KIF11: variants seen among roughly 807,000 people sequenced by gnomAD.
KIF11 encodes kinesin family member 11.
Under a neutral mutation model 121.0 loss-of-function variants are expected in KIF11, and 9 were observed. That is an observed-to-expected ratio of 0.07 (90% CI 0.04 to 0.13). The LOEUF is 0.13. Ranked by LOEUF, KIF11 falls within the 10% of genes least tolerant of loss-of-function variation. The pLI is 1.00. For missense variants in KIF11, 846 were observed against 1,217.5 expected (o/e 0.69, Z 4.54); for synonymous variants, 408 against 421.0 (o/e 0.97, Z 0.38).
chr10:92,635,410 G>A (rs1295489879), intron 14 of KIF11, among the ~76,000 whole-genome samples: 3 of 152,178 alleles, frequency 2.0e-5, no homozygotes, highest in Non-Finnish European at 4.4e-5. Context: ...AATAAAGCAA[G>A]TCATGAATTT....
In KIF11 at chr10:92,628,850, A is replaced by G. The variant is rs1408992490; in HGVS notation, c.1260A>G (p.Val420=). ...GKLTVQEEQI[V]ELIEKIGAVE... The stretch of plus-strand genomic sequence containing the variant: ...TAACTGTTCAAGAAGAGCAGATTGT[A>G]GAATTGATTGAAAAAATTGGTGCTG... The change falls in exon 11 of 22, where the codon GTA becomes GTG. Residue 420 remains valine, a synonymous_variant. Coordinates refer to ENST00000260731, the MANE Select transcript of KIF11 (RefSeq NM_004523.4). 2 of 1,604,960 alleles carry G rather than the reference A, an allele frequency of 1.2e-6. No individual in the cohort carries two copies. The highest frequency in any genetic ancestry group is 2.2e-5 in the South Asian group (2 of 90,522).
chr10:92,634,916 A>G (rs1241429228), intron 14 of KIF11, among the ~76,000 whole-genome samples: 1 of 152,234 alleles, frequency 6.6e-6, no homozygotes, highest in African/African-American at 2.4e-5. Flanking sequence ...CTGGGGACAC[A>G]TATCACTTCT....
intron 6 of KIF11, among the ~76,000 whole-genome samples, chr10:92,610,299 C>T (rs896971420): frequency 6.6e-6 from 1 of 152,132 alleles, no homozygotes; most frequent in African/African-American, 2.4e-5. Context: ...CAGATGGTCA[C>T]TAACACTGGC....
At chr10:92,621,296 G>T in intron 9 of KIF11, 89 bp from the exon 10 acceptor site, 1 of 654,742 alleles carries the variant, frequency 1.5e-6, no homozygotes, top group Admixed American at 2.7e-5. Flanking sequence ...ACATAAAAAG[G>T]CTAACTTTAC....
At chr10:92,622,315 C>T (rs977682958) in intron 10 of KIF11, among the ~76,000 whole-genome samples, 4 of 149,880 alleles carry the variant, frequency 2.7e-5, no homozygotes, top group East Asian at 4.0e-4. Flanking sequence ...AAAAAATAGG[C>T]GCGATAAATA....
Position 92,628,902 on chromosome 10 carries a change from A to G in KIF11, c.1305+7A>G, listed in dbSNP as rs566435042. ...TGAGGAGGAGCTGAATAGGGTAAGC[A>G]CTTAAAATGATATTTACTGTTATGT... On this transcript the variant is annotated splice_region_variant and intron_variant, in intron 11 of 21. Transcript: ENST00000260731. 5.8e-5 allele frequency: 82 copies of G among 1,414,620 alleles called. No homozygotes were observed. The highest frequency in any genetic ancestry group is 8.4e-5 in the South Asian group (7 of 82,930). 87.6% of individuals were successfully genotyped at this position (1,414,620 alleles called of 1,614,324 possible).
In KIF11 at chr10:92,654,984, G is replaced by A. The variant is rs1845030830; in HGVS notation, c.*1188G>A. 1 of 152,604 alleles carries A rather than the reference G, an allele frequency of 6.6e-6. No homozygotes were observed. Among genetic ancestry groups the A allele is most frequent in the East Asian group, 1.9e-4 (1 of 5,196 alleles). 9.5% of individuals were successfully genotyped at this position (152,604 alleles called of 1,614,324 possible). ...TGTTTACATGATGAAACTTTTTGTT[G>A]TTGCTTGTTTGTATATAATACAATG... On this transcript the variant is annotated 3_prime_UTR_variant, in exon 22 of 22. Transcript: ENST00000260731.
intron 17 of KIF11, among the ~76,000 whole-genome samples, chr10:92,644,906 A>G (rs1328828206): frequency 3.9e-5 from 6 of 152,216 alleles, no homozygotes; most frequent in Non-Finnish European, 7.3e-5. Context: ...AATTTTAATT[A>G]TTAGAAAGCT....
At chr10:92,609,291 AGAGAGAGAGAGAGTGTGTGTGT>A (rs1844466193) in intron 5 of KIF11, 72 bp from the exon 6 acceptor site, 5 of 1,303,192 alleles carry the variant, frequency 3.8e-6, no homozygotes, top group African/African-American at 3.7e-5. Context: ...AGAGAGAGAG[AGAGAGAGAGAGAGTGTGTGTGT>A]GTGTGTGTGT....
intron 12 of KIF11, among the ~76,000 whole-genome samples, chr10:92,631,528 AT>A (rs1424719609): frequency 2.8e-5 from 4 of 144,552 alleles, no homozygotes; most frequent in Non-Finnish European, 6.1e-5. Flanking sequence ...CGCCCGGCTA[AT>A]TTTTTGTATT....
intron 20 of KIF11, 122 bp downstream of exon 20, chr10:92,650,108 G>T (rs1844965223): frequency 5.6e-6 from 4 of 709,620 alleles, no homozygotes; most frequent in Non-Finnish European, 7.0e-6. Flanking sequence ...TTAATGATAG[G>T]CCTAGCCCTT....
Position 92,621,459 on chromosome 10 carries a change from T to C in KIF11, c.1203T>C (p.Ser401=). The part of the protein sequence containing the change: ...AAREKNGVYI[S]EENFRVMSGK... ...GTGAGAAAAATGGAGTGTATATTTC[T>C]GAAGAAAATTTTAGGTAAGCCCTTG... The change falls in exon 10 of 22, where the codon TCT becomes TCC. Residue 401 remains serine, a synonymous_variant. Transcript: ENST00000260731. The C allele has an allele frequency of 6.2e-7, 1 of 1,609,636 alleles. No homozygotes were observed. Among genetic ancestry groups the C allele is most frequent in the Non-Finnish European group, 8.5e-7 (1 of 1,176,596 alleles).
chr10:92,613,678 T>G lies in KIF11; in HGVS notation c.1032+59T>G. The stretch of plus-strand genomic sequence containing the variant: ...AGCTGTAATTCTTATTTGGCTATTA[T>G]ATATTTTAAAAGTTCATTTACTAGG... On this transcript the variant is annotated intron_variant, in intron 8 of 21. Transcript: ENST00000260731. The surrounding 1 kb of genome is among the most constrained non-coding windows in gnomAD (Gnocchi z 4.2). The G allele has an allele frequency of 2.7e-6, 4 of 1,509,388 alleles. No individual in the cohort carries two copies. The highest frequency in any genetic ancestry group is 3.6e-6 in the Non-Finnish European group (4 of 1,120,284). The allele number at this position is 1,509,388 out of a possible 1,614,324, so 93.5% of individuals were successfully genotyped here. A position where few individuals can be genotyped will look rare whatever the true frequency, so the allele number is the denominator to read the frequency against.
chr10:92,613,305 T>C lies in KIF11; in HGVS notation c.790-72T>C. 1 of 1,160,648 alleles carries C rather than the reference T, an allele frequency of 8.6e-7. No individual in the cohort carries two copies. The highest frequency in any genetic ancestry group is 1.5e-5 in the South Asian group (1 of 66,712). 71.9% of individuals were successfully genotyped at this position (1,160,648 alleles called of 1,614,324 possible). A position where few individuals can be genotyped will look rare whatever the true frequency, so the allele number is the denominator to read the frequency against. Reference sequence around the variant, plus strand: ...TGCTGGCGATTTAATACATTATGTATCCTGTGAGAATGAAAGTCTTTGAAT... The same window carrying C: ...TGCTGGCGATTTAATACATTATGTACCCTGTGAGAATGAAAGTCTTTGAAT... On this transcript the variant is annotated intron_variant, in intron 7 of 21. Coordinates refer to ENST00000260731, the MANE Select transcript of KIF11 (RefSeq NM_004523.4). This position sits in a 1 kb window ranked among gnomAD's most constrained non-coding sequence, Gnocchi z 4.2.
intron 4 of KIF11, among the ~76,000 whole-genome samples, chr10:92,608,126 T>A (rs1187315489): frequency 6.6e-6 from 1 of 150,510 alleles, no homozygotes; most frequent in Non-Finnish European, 1.5e-5. Context: ...AAAAAGAATT[T>A]TTTTTAATTT....
intron 19 of KIF11, 37 bp downstream of exon 19, chr10:92,648,471 G>T (rs1844944928): frequency 7.3e-7 from 1 of 1,374,094 alleles, no homozygotes; most frequent in Non-Finnish European, 1.0e-6. Context: ...TAAATTTTTT[G>T]AAGTCGAATT....
chr10:92,646,472 T>C (rs114959382), intron 18 of KIF11, among the ~76,000 whole-genome samples: 2 of 152,182 alleles, frequency 1.3e-5, no homozygotes, highest in Non-Finnish European at 2.9e-5. Context: ...AAATTTTTAA[T>C]CTATATAAGC....
chr10:92,632,512 A>G lies in KIF11; in HGVS notation c.1521A>G (p.Thr507=), dbSNP rs746409814. ...SKLLNTVEET[T]KDVSGLHSKL... is the part of the protein sequence containing the mutation. ...TGCTTAACACAGTTGAAGAAACTAC[A>G]AAAGATGTATCTGGTCTCCATTCCA... The change falls in exon 13 of 22, where the codon ACA becomes ACG. Residue 507 remains threonine, a synonymous_variant. Transcript: ENST00000260731. 3 of 1,612,412 alleles carry G rather than the reference A, an allele frequency of 1.9e-6. No individual in the cohort carries two copies. The Admixed American group carries it at 5.0e-5, about 27-fold the overall frequency.
chr10:92,617,313 A>G (rs1844567078), intron 9 of KIF11, among the ~76,000 whole-genome samples: 1 of 152,198 alleles, frequency 6.6e-6, no homozygotes, highest in Non-Finnish European at 1.5e-5. Flanking sequence ...TATAAATGGA[A>G]TCATGTAATA....
Sources: gnomAD v4.1 joint callset for allele counts (sites outside exome capture counted in the v4.1 genomes callset) on GRCh38, gnomAD v4.1.1 for gene constraint, Gnocchi (gnomAD v3.1) non-coding constraint, MANE v1.5 for transcripts, NCBI Gene and HGNC (gene_info 2026-07-23, HGNC 2026-07-21) for gene names.